Variants in DNAH6 observed in about 807,000 individuals in gnomAD.
DNAH6 encodes dynein axonemal heavy chain 6.
A neutral mutation model predicts 491.4 loss-of-function variants in DNAH6; 340 were observed. That is an observed-to-expected ratio of 0.69 (90% CI 0.63 to 0.76). The LOEUF (loss-of-function observed/expected upper bound fraction) is 0.76. DNAH6 is among the 30% of genes least tolerant of loss of function. The pLI, the probability that DNAH6 is intolerant of heterozygous loss-of-function variation, is 0.00. For missense variants in DNAH6, 4,443 were observed against 4,972.2 expected, an observed-to-expected ratio of 0.89 and a Z score of 3.20; for synonymous variants, 1,603 against 1,686.1, an observed-to-expected ratio of 0.95 and a Z score of 1.21.
intron 2 of DNAH6, among the ~76,000 whole-genome samples, chr2:84,522,407 T>C (rs929623627): frequency 6.6e-6 from 1 of 152,188 alleles, no homozygotes; most frequent in South Asian, 2.1e-4. Flanking sequence ...TATAGAATCA[T>C]GTCATCTGCA....
At chr2:84,780,937 T>G (rs960008466) in intron 64 of DNAH6, among the ~76,000 whole-genome samples, 1 of 152,206 alleles carries the variant, frequency 6.6e-6, no homozygotes, top group Admixed American at 6.5e-5. Context: ...ACAGATGTTG[T>G]GTGATTAATC....
chr2:84,706,996 G>T lies in DNAH6; in HGVS notation c.8828G>T (p.Gly2943Val), dbSNP rs959418428. Residue 2943 changes from glycine (G) to valine (V), a missense_variant, in exon 53 of 77, where the codon GGT (glycine) becomes GTT (valine). Transcript: ENST00000389394. ...IQALQDEYDKGVNEKESLAKT... is the reference protein window; with the variant it reads ...IQALQDEYDKVVNEKESLAKT... The stretch of plus-strand genomic sequence containing the variant: ...GCCTTACAAGATGAATATGACAAAG[G>T]TGTAAATGAAAAAGAAAGCCTGGGT... The T allele has an allele frequency of 6.6e-7, 1 of 1,518,634 alleles. No individual in the cohort carries two copies. Among genetic ancestry groups the T allele is most frequent in the South Asian group, 1.3e-5 (1 of 76,876 alleles). 94.1% of individuals were successfully genotyped at this position (1,518,634 alleles called of 1,614,324 possible).
In DNAH6 at chr2:84,571,952, A is replaced by G. The variant is rs562920699; in HGVS notation, c.1804-1515A>G. Among the ~76,000 whole-genome samples the G allele has an allele frequency of 3.6e-4, 55 of 152,108 alleles. 1 individual carries two copies. In the South Asian group the frequency reaches 0.011, roughly 29 times the overall value. ...AAAAAGAAAAAAGAAAACCAAAAAG[A>G]TGAAAAGATGCAATACATGATCCTA... is the stretch of plus-strand genomic sequence containing the variant. On this transcript the variant is annotated intron_variant, in intron 11 of 76. Coordinates refer to ENST00000389394, the MANE Select transcript of DNAH6 (RefSeq NM_001370.2).
intron 26 of DNAH6, among the ~76,000 whole-genome samples, chr2:84,623,020 T>G (rs866723000): frequency 6.6e-6 from 1 of 152,210 alleles, no homozygotes; most frequent in African/African-American, 2.4e-5. Flanking sequence ...AAGTTTTAAT[T>G]GGGTTATTTG....
intron 60 of DNAH6, among the ~76,000 whole-genome samples, chr2:84,724,734 G>A (rs991963536): frequency 2.6e-5 from 4 of 152,150 alleles, no homozygotes; most frequent in Non-Finnish European, 5.9e-5. Context: ...TCTCCTTGTG[G>A]CGTGGGCTTC....
At chr2:84,798,848 A>C (rs1678596381) in intron 70 of DNAH6, among the ~76,000 whole-genome samples, 1 of 151,832 alleles carries the variant, frequency 6.6e-6, no homozygotes, top group Non-Finnish European at 1.5e-5. Flanking sequence ...TCTGGTCCCA[A>C]CTCCCCAGGA....
intron 3 of DNAH6, among the ~76,000 whole-genome samples, chr2:84,527,468 A>C (rs138668637): frequency 6.6e-6 from 1 of 152,314 alleles, no homozygotes; most frequent in Non-Finnish European, 1.5e-5. Context: ...AGAATGCAGT[A>C]AGACTTTTTA....
chr2:84,764,242 C>T (rs1239976222), intron 64 of DNAH6, among the ~76,000 whole-genome samples: 1 of 152,058 alleles, frequency 6.6e-6, no homozygotes, highest in Non-Finnish European at 1.5e-5. Context: ...GAAATCTCAA[C>T]AAAGTATTAC....
At chr2:84,650,385 A>G (rs369324787) in intron 33 of DNAH6, among the ~76,000 whole-genome samples, 5 of 151,974 alleles carry the variant, frequency 3.3e-5, no homozygotes, top group Admixed American at 6.6e-5. Context: ...CTATTATTCT[A>G]TCTTGCAGTT....
chr2:84,776,193 A>C (rs980078919), intron 64 of DNAH6, among the ~76,000 whole-genome samples: 7 of 152,234 alleles, frequency 4.6e-5, no homozygotes, highest in African/African-American at 1.7e-4. Flanking sequence ...TGATTGGGAA[A>C]GAATGTTGGA....
chr2:84,471,433 AGAAGGAT>A, the DNAH6 span, among the ~76,000 whole-genome samples: 2 of 152,192 alleles, frequency 1.3e-5, no homozygotes, highest in African/African-American at 4.8e-5. Context: ...TAGGAGTTGC[AGAAGGAT>A]GAAGGTCCAT....
rs1037280671 is a variant in DNAH6 at position 84,732,681 on chromosome 2, T to G, written c.10207-763T>G. Among the ~76,000 whole-genome samples the G allele has an allele frequency of 2.0e-5, 3 of 152,304 alleles. No individual in the cohort carries two copies. The South Asian group carries it at 6.2e-4, about 32-fold the overall frequency. On this transcript the variant is annotated intron_variant, in intron 61 of 76. Coordinates refer to ENST00000389394, the MANE Select transcript of DNAH6 (RefSeq NM_001370.2). ...GTACACGGTATCTTTTTGAGGAAAT[T>G]AAATGTTCTAAATTGTGATGGTGGT...
intron 62 of DNAH6, among the ~76,000 whole-genome samples, chr2:84,737,779 A>G (rs892652980): frequency 6.6e-6 from 1 of 151,998 alleles, no homozygotes; most frequent in African/African-American, 2.4e-5. Flanking sequence ...CGAGAAACCA[A>G]CTTTTTGTTT....
At chr2:84,691,692 C>T (rs1375810486) in intron 45 of DNAH6, among the ~76,000 whole-genome samples, 1 of 143,008 alleles carries the variant, frequency 7.0e-6, no homozygotes, top group African/African-American at 2.8e-5. Context: ...AATGAATGAG[C>T]TTGGGTATGT....
the DNAH6 span, among the ~76,000 whole-genome samples, chr2:84,509,885 G>C: frequency 6.6e-6 from 1 of 152,186 alleles, no homozygotes; most frequent in African/African-American, 2.4e-5. Context: ...TTTTCTTTAA[G>C]AATGTTGAAT....
chr2:84,471,491 C>G, the DNAH6 span, among the ~76,000 whole-genome samples: 1 of 152,142 alleles, frequency 6.6e-6, no homozygotes, highest in South Asian at 2.1e-4. Context: ...CGATGATATT[C>G]CTGCCTAACT....
chr2:84,570,587 C>A (rs1681700090), intron 11 of DNAH6, among the ~76,000 whole-genome samples: 1 of 152,142 alleles, frequency 6.6e-6, no homozygotes, highest in Non-Finnish European at 1.5e-5. Context: ...ATAAATGCAC[C>A]AATCAGTACT....
At chr2:84,790,550 A>G (rs1476700780) in intron 68 of DNAH6, among the ~76,000 whole-genome samples, 3 of 152,192 alleles carry the variant, frequency 2.0e-5, no homozygotes, top group African/African-American at 7.2e-5. Flanking sequence ...AAGAAAAATA[A>G]CTCAATATTA....
chr2:84,523,409 C>T (rs1676324644), intron 2 of DNAH6, among the ~76,000 whole-genome samples: 1 of 151,936 alleles, frequency 6.6e-6, no homozygotes, highest in Non-Finnish European at 1.5e-5. Context: ...AAAACCAACT[C>T]CTGGATTTTT....
Sources: allele counts gnomAD v4.1 joint callset (sites outside exome capture counted in the v4.1 genomes callset), GRCh38; gene constraint gnomAD v4.1.1; transcripts MANE v1.5; gene names NCBI Gene and HGNC (gene_info 2026-07-23, HGNC 2026-07-21).